The following WASF2 variants were observed in gnomAD, a reference collection of about 807,000 sequenced individuals.
WASF2 encodes the protein WASP family member 2, also known as actin-binding protein WASF2.
A neutral mutation model predicts 45.0 loss-of-function variants in WASF2; 14 were observed. The observed-to-expected ratio is 0.31, with a 90% CI of 0.21 to 0.49. The LOEUF is 0.49. Among genes scored for constraint, WASF2 ranks in the 20% least tolerant of loss-of-function variants. WASF2 has a pLI of 0.99. For synonymous variants in WASF2, 200 were observed against 236.3 expected (o/e 0.85, Z 1.41); for missense variants, 439 against 636.1 (o/e 0.69, Z 3.33).
At chr1:27,421,627 C>G (rs891202180) in intron 2 of WASF2, among the ~76,000 whole-genome samples, 1 of 151,966 alleles carries the variant, frequency 6.6e-6, no homozygotes, top group African/African-American at 2.4e-5. Flanking sequence ...ACCAGCCTGG[C>G]CAACATGGTG....
At position 27,475,608 on chromosome 1, in the gene WASF2, T is replaced by C. The variant is rs115604266; in HGVS notation, c.-44+14378A>G. ...ATTTTCTAACATACATCACAATCTT[T>C]AACTTTTTATGTCTTTTTGTTTTGT... On this transcript the variant is annotated intron_variant, in intron 1 of 8. Transcript: ENST00000618852. Among the ~76,000 whole-genome samples the C allele has an allele frequency of 2.8e-3, 430 of 152,256 alleles. 4 individuals are homozygous for C. The highest frequency in any genetic ancestry group is 9.9e-3 in the African/African-American group (410 of 41,558).
At chr1:27,417,306 A>G (rs1252971879) in intron 4 of WASF2, among the ~76,000 whole-genome samples, 1 of 152,198 alleles carries the variant, frequency 6.6e-6, no homozygotes, top group East Asian at 1.9e-4. Flanking sequence ...GAGGCTGCAG[A>G]GTCAAACCTC....
intron 1 of WASF2, among the ~76,000 whole-genome samples, chr1:27,449,917 G>A (rs2017361438): frequency 6.6e-6 from 1 of 151,934 alleles, no homozygotes; most frequent in Non-Finnish European, 1.5e-5. Context: ...GCTGAGGTGG[G>A]CGGATCGTCT....
intron 1 of WASF2, among the ~76,000 whole-genome samples, chr1:27,442,582 G>A (rs1306187739): frequency 2.0e-5 from 3 of 151,780 alleles, no homozygotes; most frequent in Non-Finnish European, 4.4e-5. Context: ...AAATAGGCCA[G>A]GCGTGGTGCC....
chr1:27,456,337 A>C (rs2017467258), intron 1 of WASF2, among the ~76,000 whole-genome samples: 5 of 134,406 alleles, frequency 3.7e-5, no homozygotes, highest in African/African-American at 1.2e-4. Context: ...AAAAAAAAAA[A>C]ACAACAATGG....
intron 1 of WASF2, among the ~76,000 whole-genome samples, chr1:27,468,921 CA>C (rs71010356): frequency 0.27 from 20,958 of 77,758 alleles, 1,907 homozygotes; most frequent in East Asian, 0.47. Context: ...GACTCTGTCT[CA>C]AAAAAAAAAA....
chr1:27,412,617 G>A lies in WASF2; in HGVS notation c.779C>T (p.Pro260Leu). ...PQSDSASSPS[P>L]SFSEDNLPPP... ...AGGCAAGTTGTCCTCGGAGAAGGAA[G>A]GAGAAGGTGAAGAAGCAGAGTCTGA... Residue 260 changes from proline (P) to leucine (L), a missense_variant, in exon 7 of 9, where the codon CCT (proline) becomes CTT (leucine). This residue lies in a region of WASF2 where 286 missense variants were observed against 373.5 expected (regional missense o/e 0.77). Coordinates refer to ENST00000618852, the MANE Select transcript of WASF2 (RefSeq NM_006990.5). The A allele has an allele frequency of 2.5e-6, 4 of 1,614,206 alleles. No homozygotes were observed. Among genetic ancestry groups the A allele is most frequent in the Non-Finnish European group, 3.4e-6 (4 of 1,180,042 alleles).
At position 27,419,173 on chromosome 1, in the gene WASF2, C is replaced by T. The variant is rs1178420285; in HGVS notation, c.131-85G>A. 6.0e-6 allele frequency: 9 copies of T among 1,511,084 alleles called. No individual in the cohort carries two copies. In the East Asian group the frequency reaches 1.1e-4, roughly 19 times the overall value. 93.6% of individuals were successfully genotyped at this position (1,511,084 alleles called of 1,614,324 possible). A position where few individuals can be genotyped will look rare whatever the true frequency, so the allele number is the denominator to read the frequency against. Reference sequence around the variant, plus strand: ...AACTGGCTACTAAAGATCGTGTTCCCTAACCCCCAAACACATACATATACA... The same window carrying T: ...AACTGGCTACTAAAGATCGTGTTCCTTAACCCCCAAACACATACATATACA... On this transcript the variant is annotated intron_variant, in intron 2 of 8. Transcript: ENST00000618852.
chr1:27,416,557 T>A (rs1176592335), intron 4 of WASF2, among the ~76,000 whole-genome samples: 1 of 152,244 alleles, frequency 6.6e-6, no homozygotes, highest in African/African-American at 2.4e-5. Flanking sequence ...ATGTGGGAGT[T>A]CATGTGTATG....
chr1:27,425,094 A>C (rs900982951), intron 2 of WASF2, among the ~76,000 whole-genome samples: 4 of 151,932 alleles, frequency 2.6e-5, no homozygotes, highest in African/African-American at 9.7e-5. Flanking sequence ...TTCCTTTTTC[A>C]TTTTATTTAT....
At chr1:27,418,022 T>C (rs1205577842) in intron 4 of WASF2, among the ~76,000 whole-genome samples, 1 of 152,212 alleles carries the variant, frequency 6.6e-6, no homozygotes, top group Non-Finnish European at 1.5e-5. Flanking sequence ...CTCTGTAGCA[T>C]GCAATGGTTA....
intron 1 of WASF2, among the ~76,000 whole-genome samples, chr1:27,467,508 A>T (rs1245728775): frequency 6.7e-6 from 1 of 149,970 alleles, no homozygotes; most frequent in Non-Finnish European, 1.5e-5. Context: ...TCACCGTGTT[A>T]GCCAGGATGG....
intron 2 of WASF2, among the ~76,000 whole-genome samples, chr1:27,421,047 G>A (rs777307810): frequency 6.6e-6 from 1 of 152,190 alleles, no homozygotes; most frequent in African/African-American, 2.4e-5. Context: ...GAAGAGTGGG[G>A]ATAAGACCAA....
In WASF2 at chr1:27,487,657, AAT is replaced by A. The variant is rs551889463; in HGVS notation, c.-44+2327_-44+2328del. Among the ~76,000 whole-genome samples the A allele has an allele frequency of 2.9e-3, 306 of 104,752 alleles. 3 individuals are homozygous for A. The highest frequency in any genetic ancestry group is 0.011 in the African/African-American group (293 of 26,174). 68.7% of individuals were successfully genotyped at this position (104,752 alleles called of 152,430 possible). On this transcript the variant is annotated intron_variant, in intron 1 of 8. Coordinates refer to ENST00000618852, the MANE Select transcript of WASF2 (RefSeq NM_006990.5). Reference sequence around the variant, plus strand: ...ATATAATATATATTATATATTATATAATATATATTATATATATTTTATATAAT... The same window carrying A: ...ATATAATATATATTATATATTATATAATATATTATATATATTTTATATAAT...
Position 27,410,281 on chromosome 1 carries a change from C to A in WASF2, c.825-75G>T, listed in dbSNP as rs544750104. On this transcript the variant is annotated intron_variant, in intron 7 of 8. Transcript: ENST00000618852. This position sits in a 1 kb window ranked among gnomAD's most constrained non-coding sequence, Gnocchi z 4.2. ...ACCTATCTACAGTTAGCCTTGTCTA[C>A]AGACCGAGGTTTATCTTGGTTGACT... is the stretch of plus-strand genomic sequence containing the variant. The A allele has an allele frequency of 6.3e-7, 1 of 1,575,486 alleles. No individual in the cohort carries two copies. The highest frequency in any genetic ancestry group is 1.1e-5 in the South Asian group (1 of 87,030).
intron 1 of WASF2, among the ~76,000 whole-genome samples, chr1:27,486,917 T>C (rs2017935575): frequency 6.7e-6 from 1 of 148,898 alleles, no homozygotes; most frequent in South Asian, 2.1e-4. Context: ...GATATATATA[T>C]AATATATAGA....
At chr1:27,417,899 T>C (rs1036558977) in intron 4 of WASF2, among the ~76,000 whole-genome samples, 7 of 89,758 alleles carry the variant, frequency 7.8e-5, no homozygotes, top group African/African-American at 1.1e-4. Context: ...TGCTAGAATG[T>C]TGCCCCTGGG....
chr1:27,473,455 C>CAAAA (rs752426888), intron 1 of WASF2, among the ~76,000 whole-genome samples: 73 of 49,040 alleles, frequency 1.5e-3, no homozygotes, highest in East Asian at 2.3e-3. Context: ...ACTCCATGGC[C>CAAAA]AAAAAAAAAA....
intron 1 of WASF2, among the ~76,000 whole-genome samples, chr1:27,457,892 G>C (rs1185807573): frequency 1.3e-5 from 2 of 152,058 alleles, no homozygotes; most frequent in Non-Finnish European, 2.9e-5. Context: ...CAAAGTGCTA[G>C]GGTTACAGGC....
Sources: allele counts gnomAD v4.1 joint callset (sites outside exome capture counted in the v4.1 genomes callset), GRCh38; gene constraint gnomAD v4.1.1; regional missense constraint gnomAD v4.1.1; non-coding constraint Gnocchi (gnomAD v3.1); transcripts MANE v1.5; gene names NCBI Gene and HGNC (gene_info 2026-07-23, HGNC 2026-07-21).